DYRK1A: variants seen among roughly 807,000 people sequenced by gnomAD.
The protein encoded by DYRK1A is dual specificity tyrosine-phosphorylation-regulated kinase 1A.
A neutral mutation model predicts 79.7 loss-of-function variants in DYRK1A; 9 were observed. That is an observed-to-expected ratio of 0.11 (90% CI 0.07 to 0.20). The LOEUF (loss-of-function observed/expected upper bound fraction) is 0.20, where lower values mean the gene tolerates loss of function less well. Ranked by LOEUF, DYRK1A falls within the 10% of genes least tolerant of loss-of-function variation. The pLI, the probability that DYRK1A is intolerant of heterozygous loss-of-function variation, is 1.00. For synonymous variants in DYRK1A, 349 were observed against 329.7 expected (o/e 1.06, Z -0.63); for missense variants, 622 against 956.0 (o/e 0.65, Z 4.61).
At position 37,517,508 on chromosome 21, in the gene DYRK1A, A is replaced by G. The variant is rs893519200; in HGVS notation, c.*4977A>G. The G allele has an allele frequency of 6.6e-5, 10 of 152,176 alleles. No individual in the cohort carries two copies. The highest frequency in any genetic ancestry group is 5.9e-4 in the Admixed American group (9 of 15,286). The allele number at this position is 152,176 out of a possible 1,614,324, so 9.4% of individuals were successfully genotyped here. ...TTTTGCTTCCATTATATACTCATTC[A>G]TTAGTCAGTGTACTTGCCCCTGAAT... On this transcript the variant is annotated 3_prime_UTR_variant, in exon 12 of 12. Transcript: ENST00000647188.
intron 9 of DYRK1A, among the ~76,000 whole-genome samples, chr21:37,497,044 C>CCA (rs1024299424): frequency 3.3e-5 from 5 of 151,996 alleles, no homozygotes; most frequent in Admixed American, 1.3e-4. Flanking sequence ...AATATGACCC[C>CCA]CACACACACA....
intron 1 of DYRK1A, among the ~76,000 whole-genome samples, chr21:37,384,012 G>A (rs1261627224): frequency 6.6e-6 from 1 of 152,156 alleles, no homozygotes; most frequent in Non-Finnish European, 1.5e-5. Flanking sequence ...ATAATAGGTA[G>A]CACAGAACTG....
intron 1 of DYRK1A, among the ~76,000 whole-genome samples, chr21:37,387,834 A>C (rs1038469479): frequency 5.3e-5 from 8 of 152,216 alleles, no homozygotes; most frequent in Admixed American, 5.2e-4. Context: ...GTTGGAATGT[A>C]ATTTTTACTG....
At chr21:37,398,619 A>G (rs540712574) in intron 1 of DYRK1A, among the ~76,000 whole-genome samples, 37 of 152,332 alleles carry the variant, frequency 2.4e-4, no homozygotes, top group African/African-American at 7.5e-4. Flanking sequence ...CCAAATGACA[A>G]CTTGATGCCT....
chr21:37,495,152 TTGTGTG>T (rs56226706), intron 8 of DYRK1A, among the ~76,000 whole-genome samples: 23,188 of 137,422 alleles, frequency 0.17, 2,217 homozygotes, highest in East Asian at 0.36. Flanking sequence ...CTCTGGGATT[TTGTGTG>T]TGTGTGTGTG....
At chr21:37,437,306 A>G (rs2050952531) in intron 2 of DYRK1A, among the ~76,000 whole-genome samples, 1 of 152,192 alleles carries the variant, frequency 6.6e-6, no homozygotes. Flanking sequence ...TTTTTAAAAT[A>G]TGAAAATGTG....
intron 2 of DYRK1A, among the ~76,000 whole-genome samples, chr21:37,423,619 T>G (rs1985771099): frequency 6.6e-6 from 1 of 152,138 alleles, no homozygotes; most frequent in African/African-American, 2.4e-5. Context: ...AATAACATCC[T>G]GTGGACCATG....
rs557289376 is a variant in DYRK1A at position 37,386,198 on chromosome 21, G to A, written c.-77+18570G>A. Among the ~76,000 whole-genome samples the A allele has an allele frequency of 3.9e-5, 6 of 152,168 alleles. No individual in the cohort carries two copies. In the South Asian group the frequency reaches 1.2e-3, roughly 32 times the overall value. ...TATTCCTTCTATATTATGGTGAGTT[G>A]TATAATTATTTCACTATATATTAAT... On this transcript the variant is annotated intron_variant, in intron 1 of 11. Transcript: ENST00000647188.
chr21:37,508,728 T>G (rs1373419628), intron 11 of DYRK1A, among the ~76,000 whole-genome samples: 1 of 152,240 alleles, frequency 6.6e-6, no homozygotes, highest in Admixed American at 6.5e-5. Context: ...CTAGTCACAC[T>G]AATTCATTTT....
At chr21:37,456,105 C>A (rs904099988) in intron 2 of DYRK1A, 1 of 152,214 alleles carries the variant, frequency 6.6e-6, no homozygotes, top group Non-Finnish European at 1.5e-5. Flanking sequence ...TTAACTTACC[C>A]CTCTGTCTAT....
chr21:37,377,663 C>T (rs1038741888), intron 1 of DYRK1A, among the ~76,000 whole-genome samples: 3 of 152,102 alleles, frequency 2.0e-5, no homozygotes, highest in Non-Finnish European at 4.4e-5. Context: ...GAGACATAGT[C>T]TTGCTATGTT....
chr21:37,390,859 C>G (rs1348380836), intron 1 of DYRK1A, among the ~76,000 whole-genome samples: 2 of 152,212 alleles, frequency 1.3e-5, no homozygotes, highest in African/African-American at 4.8e-5. Context: ...CGTGAGCCAC[C>G]ACGCCCGGCC....
chr21:37,429,724 A>G (rs774428842), intron 2 of DYRK1A, among the ~76,000 whole-genome samples: 21 of 152,246 alleles, frequency 1.4e-4, no homozygotes, highest in Non-Finnish European at 2.6e-4. Flanking sequence ...CTTAGCCGAT[A>G]TTGTTAAATT....
intron 5 of DYRK1A, among the ~76,000 whole-genome samples, chr21:37,484,513 G>C (rs2052781414): frequency 6.6e-6 from 1 of 152,030 alleles, no homozygotes; most frequent in Admixed American, 6.6e-5. Context: ...ATTTTTAGTA[G>C]AGATGGGATT....
rs1466764487 is a variant in DYRK1A at position 37,506,183 on chromosome 21, C to A, written c.1604C>A (p.Ala535Asp). The A allele has an allele frequency of 2.5e-6, 4 of 1,614,096 alleles. No homozygotes were observed. The highest frequency in any genetic ancestry group is 3.4e-6 in the Non-Finnish European group (4 of 1,180,048). Residue 535 changes from alanine to aspartate, a missense_variant, in exon 11 of 12, where the codon GCT (alanine) becomes GAT (aspartate). By Grantham distance (126) the Ala-to-Asp change is moderately radical. Around this residue, in one of 5 missense-constraint regions of DYRK1A, gnomAD observed 292 missense variants for 316.7 expected, o/e 0.92. Transcript: ENST00000647188. Reference protein sequence around the residue: ...QHRHSGGHFTAAVQAMDCETH... With the variant: ...QHRHSGGHFTDAVQAMDCETH... Reference sequence around the variant, plus strand: ...CGGCACAGTGGTGGGCACTTCACAGCTGCCGTGCAGGCCATGGACTGCGAG... The same window carrying A: ...CGGCACAGTGGTGGGCACTTCACAGATGCCGTGCAGGCCATGGACTGCGAG...
At position 37,514,692 on chromosome 21, in the gene DYRK1A, C is replaced by T. The variant is rs1272849128; in HGVS notation, c.*2161C>T. The T allele has an allele frequency of 2.0e-5, 3 of 152,510 alleles. No individual in the cohort carries two copies. Among genetic ancestry groups the T allele is most frequent in the African/African-American group, 7.2e-5 (3 of 41,394 alleles). The allele number at this position is 152,510 out of a possible 1,614,324, so 9.4% of individuals were successfully genotyped here. On this transcript the variant is annotated 3_prime_UTR_variant, in exon 12 of 12. Transcript: ENST00000647188. ...TTTATTTTGTAATTAACTGTCAAGC[C>T]TGTGGATGATTTTTTTGAACTTGGT...
At chr21:37,442,371 A>C (rs900739895) in intron 2 of DYRK1A, among the ~76,000 whole-genome samples, 1 of 152,166 alleles carries the variant, frequency 6.6e-6, no homozygotes, top group Non-Finnish European at 1.5e-5. Flanking sequence ...CCCAGAACTC[A>C]GTGAATGTCT....
chr21:37,432,077 TAA>T (rs1239182666), intron 2 of DYRK1A, among the ~76,000 whole-genome samples: 4 of 152,330 alleles, frequency 2.6e-5, no homozygotes, highest in Admixed American at 1.3e-4. Context: ...AATAAAATCT[TAA>T]GTCAACTTTT....
rs2052559007 is a variant in DYRK1A at position 37,479,624 on chromosome 21, T to TTTTTTG, written c.301-1009_301-1008insGTTTTT. The stretch of plus-strand genomic sequence containing the variant: ...TGTTTTTGTTTTTGTTTTTTGTTTT[T>TTTTTTG]TTTTTTTTTTTTGGAGACAGAGTCT... On this transcript the variant is annotated intron_variant, in intron 4 of 11. Transcript: ENST00000647188. 2.8e-5 allele frequency among the ~76,000 whole-genome samples: 3 copies of TTTTTTG among 106,516 alleles called. 1 individual carries two copies. In the South Asian group the frequency reaches 9.1e-4, roughly 32 times the overall value. 69.9% of individuals were successfully genotyped at this position (106,516 alleles called of 152,430 possible).
Sources: gnomAD v4.1 joint callset for allele counts (sites outside exome capture counted in the v4.1 genomes callset) on GRCh38, gnomAD v4.1.1 for gene constraint, gnomAD v4.1.1 regional missense constraint, MANE v1.5 for transcripts, NCBI Gene and HGNC (gene_info 2026-07-23, HGNC 2026-07-21) for gene names.